GNAI1: variants seen among roughly 807,000 people sequenced by gnomAD.
GNAI1 encodes guanine nucleotide-binding protein G(i) subunit alpha-1.
Under a neutral mutation model 38.9 loss-of-function variants are expected in GNAI1, and 11 were observed. That is an observed-to-expected ratio of 0.28 (90% CI 0.18 to 0.47). GNAI1 has a LOEUF of 0.47. Ranked by LOEUF, GNAI1 falls within the 20% of genes least tolerant of loss-of-function variation. GNAI1 has a pLI of 0.99. For missense variants in GNAI1, 317 were observed against 436.9 expected (o/e 0.73, Z 2.45); for synonymous variants, 166 against 145.1 (o/e 1.14, Z -1.04).
At chr7:80,180,083 A>T (rs1259535889) in intron 1 of GNAI1, among the ~76,000 whole-genome samples, 1 of 152,148 alleles carries the variant, frequency 6.6e-6, no homozygotes, top group Non-Finnish European at 1.5e-5. Context: ...AATGTTGAAA[A>T]AGTTTGTATA....
chr7:80,215,962 G>T (rs1788961188), intron 7 of GNAI1, among the ~76,000 whole-genome samples: 1 of 152,096 alleles, frequency 6.6e-6, no homozygotes, highest in Non-Finnish European at 1.5e-5. Flanking sequence ...CCAGTGTGGA[G>T]GAGAGGATCT....
At chr7:80,184,437 G>A (rs1418790863) in intron 1 of GNAI1, among the ~76,000 whole-genome samples, 1 of 152,154 alleles carries the variant, frequency 6.6e-6, no homozygotes, top group African/African-American at 2.4e-5. Context: ...CTTGGGAGAG[G>A]AGCCTGTGCA....
Position 80,200,942 on chromosome 7 carries a change from C to T in GNAI1, c.461+1560C>T, listed in dbSNP as rs193079501. Among the ~76,000 whole-genome samples, 902 of 152,220 alleles carry T rather than the reference C, an allele frequency of 5.9e-3. 4 individuals carry two copies. Among genetic ancestry groups the T allele is most frequent in the Middle Eastern group, 0.014 (4 of 294 alleles). Reference sequence around the variant, plus strand: ...TTTAGGTACTCCTAATGTACTTTTTCTTCAGCTTTACATTTATTTTGAGGT... The same window carrying T: ...TTTAGGTACTCCTAATGTACTTTTTTTTCAGCTTTACATTTATTTTGAGGT... On this transcript the variant is annotated intron_variant, in intron 4 of 7. Coordinates refer to ENST00000649796, the MANE Select transcript of GNAI1 (RefSeq NM_002069.6).
chr7:80,170,186 T>C (rs560994098), intron 1 of GNAI1, among the ~76,000 whole-genome samples: 13 of 152,196 alleles, frequency 8.5e-5, no homozygotes, highest in African/African-American at 2.2e-4. Context: ...TATGTAGGAT[T>C]GAGTGTTTAA....
chr7:80,159,854 G>A (rs1230422200), intron 1 of GNAI1, among the ~76,000 whole-genome samples: 1 of 152,164 alleles, frequency 6.6e-6, no homozygotes, highest in Non-Finnish European at 1.5e-5. Context: ...CTCCTTATCT[G>A]TGAAATTGAT....
chr7:80,216,504 T>C (rs1295504145), intron 7 of GNAI1, among the ~76,000 whole-genome samples: 1 of 152,220 alleles, frequency 6.6e-6, no homozygotes, highest in Non-Finnish European at 1.5e-5. Context: ...TCAAACATTG[T>C]TGGATCATAC....
chr7:80,163,807 A>G (rs991208696), intron 1 of GNAI1, among the ~76,000 whole-genome samples: 1 of 152,164 alleles, frequency 6.6e-6, no homozygotes, highest in African/African-American at 2.4e-5. Flanking sequence ...TGTATTGAAC[A>G]TAAGAATATC....
chr7:80,188,355 G>T (rs1290409736), intron 1 of GNAI1, among the ~76,000 whole-genome samples: 4 of 152,096 alleles, frequency 2.6e-5, no homozygotes, highest in Admixed American at 6.6e-5. Context: ...ATTTATACAG[G>T]TTTAATTTAA....
chr7:80,215,286 T>C (rs557483883), intron 7 of GNAI1, among the ~76,000 whole-genome samples: 1 of 152,306 alleles, frequency 6.6e-6, no homozygotes, highest in South Asian at 2.1e-4. Context: ...CTGCCTAGGA[T>C]ATATAGAGCA....
chr7:80,197,341 A>G (rs986818867), intron 3 of GNAI1, among the ~76,000 whole-genome samples: 5 of 151,994 alleles, frequency 3.3e-5, no homozygotes, highest in Admixed American at 1.3e-4. Flanking sequence ...ACAGCTTCCA[A>G]AGTTTCTTAA....
intron 1 of GNAI1, among the ~76,000 whole-genome samples, chr7:80,151,386 A>G (rs954623549): frequency 3.3e-5 from 5 of 152,118 alleles, no homozygotes; most frequent in Admixed American, 2.0e-4. Context: ...TCTCACTTCT[A>G]GATAACCACA....
chr7:80,208,310 G>T (rs1396953085), intron 5 of GNAI1, among the ~76,000 whole-genome samples: 1 of 152,092 alleles, frequency 6.6e-6, no homozygotes, highest in African/African-American at 2.4e-5. Flanking sequence ...AAATAATGAA[G>T]ATACTTCTAA....
chr7:80,203,899 T>C (rs1709259273), intron 5 of GNAI1, 67 bp downstream of exon 5: 2 of 966,128 alleles, frequency 2.1e-6, no homozygotes, highest in Non-Finnish European at 3.0e-6. Flanking sequence ...AAATAAAAAG[T>C]GTAATAAAAG....
chr7:80,163,130 C>A (rs1036129826), intron 1 of GNAI1, among the ~76,000 whole-genome samples: 6 of 152,228 alleles, frequency 3.9e-5, no homozygotes, highest in Admixed American at 3.9e-4. Context: ...TTTCCTCTGG[C>A]AGTATATGTG....
chr7:80,155,007 G>T (rs1787794408), intron 1 of GNAI1, among the ~76,000 whole-genome samples: 1 of 151,882 alleles, frequency 6.6e-6, no homozygotes, highest in Non-Finnish European at 1.5e-5. Flanking sequence ...TACCTATTCA[G>T]AAAAAAATAA....
At chr7:80,137,618 C>T (rs564765049) in intron 1 of GNAI1, among the ~76,000 whole-genome samples, 1 of 152,300 alleles carries the variant, frequency 6.6e-6, no homozygotes, top group Admixed American at 6.5e-5. Flanking sequence ...CCTTGCCCGG[C>T]CAGAATTCTT....
chr7:80,180,202 A>T (rs900510710), intron 1 of GNAI1, among the ~76,000 whole-genome samples: 1 of 152,216 alleles, frequency 6.6e-6, no homozygotes, highest in African/African-American at 2.4e-5. Context: ...GAAGAAAAAC[A>T]TCCTCTTCCT....
intron 4 of GNAI1, among the ~76,000 whole-genome samples, chr7:80,200,304 G>C (rs982574204): frequency 1.7e-5 from 2 of 116,102 alleles, no homozygotes; most frequent in Non-Finnish European, 3.3e-5. Flanking sequence ...CCAGCCTGGA[G>C]ATGGAGTGAG....
At chr7:80,158,716 CAT>C (rs1378834013) in intron 1 of GNAI1, among the ~76,000 whole-genome samples, 2 of 152,176 alleles carry the variant, frequency 1.3e-5, no homozygotes, top group African/African-American at 4.8e-5. Flanking sequence ...TAATTAACAA[CAT>C]GAGAACAAAC....
Sources: gnomAD v4.1 joint callset for allele counts (sites outside exome capture counted in the v4.1 genomes callset) on GRCh38, gnomAD v4.1.1 for gene constraint, MANE v1.5 for transcripts, NCBI Gene and HGNC (gene_info 2026-07-23, HGNC 2026-07-21) for gene names.